SHANK1: variants seen among roughly 807,000 people sequenced by gnomAD.
SHANK1 encodes the protein SH3 and multiple ankyrin repeat domains protein 1.
In SHANK1, 35 loss-of-function variants were observed where a neutral mutation model predicts 165.6. The ratio of observed to expected loss-of-function variants is 0.21; its 90% CI spans 0.16 to 0.28. The LOEUF (loss-of-function observed/expected upper bound fraction) is 0.28. Among genes scored for constraint, SHANK1 ranks in the 10% least tolerant of loss-of-function variants. The pLI, the probability that SHANK1 is intolerant of heterozygous loss-of-function variation, is 1.00. For synonymous variants in SHANK1, 1,428 were observed against 1,384.8 expected (o/e 1.03, Z -0.69); for missense variants, 2,681 against 3,036.4 (o/e 0.88, Z 2.75).
At chr19:50,708,202 C>T (rs1245437499) in intron 8 of SHANK1, among the ~76,000 whole-genome samples, 2 of 152,080 alleles carry the variant, frequency 1.3e-5, no homozygotes, top group Middle Eastern at 3.2e-3. Context: ...GCTTCAGCCT[C>T]CCAAAGTGCT....
Position 50,702,591 on chromosome 19 carries a change from C to T in SHANK1, c.1623G>A (p.Leu541=), listed in dbSNP as rs1986956686. 2 of 1,605,538 alleles carry T rather than the reference C, an allele frequency of 1.2e-6. No individual in the cohort carries two copies. Among genetic ancestry groups the T allele is most frequent in the Admixed American group, 1.7e-5 (1 of 59,146 alleles). ...TGGSGGPGGS[L]GSRGRRRKLY... is the part of the protein sequence containing the mutation. ...GCTTCCTCCGCCTCCCGCGGCTGCC[C>T]AGGGAGCCCCCGGGGCCCCCTGAGC... is the stretch of plus-strand genomic sequence containing the variant. Residue 541 remains leucine, a synonymous_variant, in exon 12 of 24, where the codon CTG becomes CTA. Transcript: ENST00000293441. The surrounding 1 kb of genome is among the most constrained non-coding windows in gnomAD (Gnocchi z 5.3).
At position 50,668,046 on chromosome 19, in the gene SHANK1, C is replaced by A; in HGVS notation, c.3914G>T (p.Gly1305Val). 4.1e-6 allele frequency: 6 copies of A among 1,477,812 alleles called. No homozygotes were observed. The highest frequency in any genetic ancestry group is 5.4e-6 in the Non-Finnish European group (6 of 1,119,660). The allele number at this position is 1,477,812 out of a possible 1,614,324, so 91.5% of individuals were successfully genotyped here. A position where few individuals can be genotyped will look rare whatever the true frequency, so the allele number is the denominator to read the frequency against. ...AEPYLRLESA[G>V]SGAGYGGYGA... Reference sequence around the variant, plus strand: ...GTAGCCGCCGTAGCCCGCGCCGCTGCCCGCAGACTCCAGTCGGAGGTAGGG... The same window carrying A: ...GTAGCCGCCGTAGCCCGCGCCGCTGACCGCAGACTCCAGTCGGAGGTAGGG... The change falls in exon 23 of 24, where the codon GGC becomes GTC. Residue 1305 changes from glycine (G) to valine (V), a missense_variant. This residue lies in a region of SHANK1 where 1,713 missense variants were observed against 1,630.2 expected (regional missense o/e 1.05). Transcript: ENST00000293441.
Position 50,688,200 on chromosome 19 carries a change from A to C in SHANK1, c.2173-142T>G. On this transcript the variant is annotated intron_variant, in intron 17 of 23. Coordinates refer to ENST00000293441, the MANE Select transcript of SHANK1 (RefSeq NM_016148.5). The surrounding 1 kb of genome is among the most constrained non-coding windows in gnomAD (Gnocchi z 6.7). Reference sequence around the variant, plus strand: ...TGTTCCTCTCCCTCCGACCCTTCATACCACCGCCTCCCTGGGCAAGCCCCC... The same window carrying C: ...TGTTCCTCTCCCTCCGACCCTTCATCCCACCGCCTCCCTGGGCAAGCCCCC... The C allele has an allele frequency of 9.7e-7, 1 of 1,034,618 alleles. No homozygotes were observed. The highest frequency in any genetic ancestry group is 1.4e-6 in the Non-Finnish European group (1 of 714,412). 64.1% of individuals were successfully genotyped at this position (1,034,618 alleles called of 1,614,324 possible). A position where few individuals can be genotyped will look rare whatever the true frequency, so the allele number is the denominator to read the frequency against.
chr19:50,694,188 C>T (rs995283609), intron 15 of SHANK1, among the ~76,000 whole-genome samples: 13 of 151,822 alleles, frequency 8.6e-5, no homozygotes, highest in East Asian at 1.9e-4. Flanking sequence ...CTCTCTCTCA[C>T]ACACACACGC....
intron 21 of SHANK1, among the ~76,000 whole-genome samples, chr19:50,675,276 T>C (rs1985940043): frequency 1.3e-5 from 2 of 152,294 alleles, no homozygotes; most frequent in South Asian, 2.1e-4. Context: ...TAAATTTCAA[T>C]TAATTAAAAT....
chr19:50,694,661 T>G (rs1599860020), intron 15 of SHANK1, among the ~76,000 whole-genome samples: 6 of 101,862 alleles, frequency 5.9e-5, no homozygotes, highest in East Asian at 3.1e-4. Context: ...CGAGTGCGTA[T>G]TAGGGGGGAG....
At chr19:50,672,222 G>T in intron 21 of SHANK1, 108 bp from the exon 22 acceptor site, 1 of 896,144 alleles carries the variant, frequency 1.1e-6, no homozygotes, top group Non-Finnish European at 1.7e-6. Context: ...CCTTCCCTAA[G>T]CCCCTGCCGT....
At chr19:50,712,360 C>T (rs967193549) in intron 6 of SHANK1, among the ~76,000 whole-genome samples, 1 of 152,238 alleles carries the variant, frequency 6.6e-6, no homozygotes, top group Non-Finnish European at 1.5e-5. Flanking sequence ...TGCACTCTGA[C>T]ATCCCACCCA....
In SHANK1 at chr19:50,662,195, G is replaced by A; in HGVS notation, c.6256C>T (p.Pro2086Ser). The change falls in exon 24 of 24, where the codon CCG (proline) becomes TCG (serine). Residue 2086 changes from proline (P) to serine (S), a missense_variant. Coordinates refer to ENST00000293441, the MANE Select transcript of SHANK1 (RefSeq NM_016148.5). The surrounding 1 kb of genome is among the most constrained non-coding windows in gnomAD (Gnocchi z 7.7). ...LSPTRLLSLPPDKPFGAKPLG... is the reference protein window; with the variant it reads ...LSPTRLLSLPSDKPFGAKPLG... ...GGTTTAGCGCCAAACGGCTTGTCCG[G>A]GGGCAGCGAGAGCAGGCGGGTCGGT... 5 of 1,609,882 alleles carry A rather than the reference G, an allele frequency of 3.1e-6. No homozygotes were observed. The highest frequency in any genetic ancestry group is 2.5e-6 in the Non-Finnish European group (3 of 1,176,798).
chr19:50,715,963 G>A (rs1039293840), intron 3 of SHANK1, among the ~76,000 whole-genome samples: 7 of 152,174 alleles, frequency 4.6e-5, no homozygotes, highest in African/African-American at 1.7e-4. Flanking sequence ...CCTTGAAGGA[G>A]GAGGAGTCTG....
At chr19:50,663,693 G>A (rs1985360775) in intron 23 of SHANK1, among the ~76,000 whole-genome samples, 1 of 150,556 alleles carries the variant, frequency 6.6e-6, no homozygotes, top group African/African-American at 2.4e-5. Context: ...AATAATTAAT[G>A]CAATTGTTGA....
intron 4 of SHANK1, among the ~76,000 whole-genome samples, chr19:50,715,161 G>A (rs1345709950): frequency 6.6e-6 from 1 of 152,086 alleles, no homozygotes; most frequent in Non-Finnish European, 1.5e-5. Flanking sequence ...CAGGGGCTGA[G>A]GACTGGCGGG....
At chr19:50,689,682 T>TG (rs1048480132) in intron 15 of SHANK1, among the ~76,000 whole-genome samples, 6 of 152,246 alleles carry the variant, frequency 3.9e-5, no homozygotes, top group Admixed American at 3.9e-4. Context: ...TCATCTATAA[T>TG]GGGGGGCTAT....
Position 50,716,567 on chromosome 19 carries a change from G to C in SHANK1, c.256-89C>G. 1 of 1,566,456 alleles carries C rather than the reference G, an allele frequency of 6.4e-7. No homozygotes were observed. Among genetic ancestry groups the C allele is most frequent in the Non-Finnish European group, 8.7e-7 (1 of 1,150,028 alleles). Reference sequence around the variant, plus strand: ...GGGAAGTGAGCCAGGAGCTGAGTGTGGGGGTGATTCCTGGGAGGATACCCA... The same window carrying C: ...GGGAAGTGAGCCAGGAGCTGAGTGTCGGGGTGATTCCTGGGAGGATACCCA... On this transcript the variant is annotated intron_variant, in intron 2 of 23. Coordinates refer to ENST00000293441, the MANE Select transcript of SHANK1 (RefSeq NM_016148.5). This position sits in a 1 kb window ranked among gnomAD's most constrained non-coding sequence, Gnocchi z 8.4.
In SHANK1 at chr19:50,714,171, C is replaced by T. The variant is rs2089042139; in HGVS notation, c.640+11G>A. On this transcript the variant is annotated intron_variant, in intron 5 of 23. Coordinates refer to ENST00000293441, the MANE Select transcript of SHANK1 (RefSeq NM_016148.5). ...GGCCCTGAGGTCCTCCTGATGCGCACCCCTCCCTACCTCCCGAATCCGAGT... is the reference window on the plus strand; with the variant it reads ...GGCCCTGAGGTCCTCCTGATGCGCATCCCTCCCTACCTCCCGAATCCGAGT... The T allele has an allele frequency of 6.2e-7, 1 of 1,611,830 alleles. No homozygotes were observed. Among genetic ancestry groups the T allele is most frequent in the Non-Finnish European group, 8.5e-7 (1 of 1,178,058 alleles).
chr19:50,666,618 G>A lies in SHANK1; in HGVS notation c.5342C>T (p.Thr1781Ile), dbSNP rs1231891454. 3.7e-6 allele frequency: 6 copies of A among 1,600,594 alleles called. No homozygotes were observed. Among genetic ancestry groups the A allele is most frequent in the Non-Finnish European group, 4.3e-6 (5 of 1,176,204 alleles). The change falls in exon 23 of 24, where the codon ACC (threonine) becomes ATC (isoleucine). Residue 1781 changes from threonine to isoleucine, a missense_variant. Physicochemically the swap from Thr to Ile is moderately conservative, Grantham distance 89. Transcript: ENST00000293441. ...CACCGAGACGGTGGGGCTGGTGGGG[G>A]TAACAGGGTCTCGGAGTCCCCCGCT... ...GPSGGLRDPV[T>I]PTSPTVSVTG...
chr19:50,681,234 G>A (rs1238977289), intron 21 of SHANK1, among the ~76,000 whole-genome samples: 1 of 152,116 alleles, frequency 6.6e-6, no homozygotes, highest in Non-Finnish European at 1.5e-5. Flanking sequence ...GGAAGGAGCA[G>A]AGAAGGCGGC....
At position 50,686,943 on chromosome 19, in the gene SHANK1, G is replaced by T; in HGVS notation, c.2390-131C>A. The T allele has an allele frequency of 7.4e-7, 1 of 1,354,596 alleles. No individual in the cohort carries two copies. The highest frequency in any genetic ancestry group is 9.9e-7 in the Non-Finnish European group (1 of 1,015,048). 83.9% of individuals were successfully genotyped at this position (1,354,596 alleles called of 1,614,324 possible). On this transcript the variant is annotated intron_variant, in intron 19 of 23. Transcript: ENST00000293441. This position sits in a 1 kb window ranked among gnomAD's most constrained non-coding sequence, Gnocchi z 5.7. Reference sequence around the variant, plus strand: ...GGCGCGAGAGGGGCAGTGAGGGGCCGGGGTCAGGGAGGGGCGAGTCCGCCG... The same window carrying T: ...GGCGCGAGAGGGGCAGTGAGGGGCCTGGGTCAGGGAGGGGCGAGTCCGCCG...
At position 50,716,795 on chromosome 19, in the gene SHANK1, C is replaced by T. The variant is rs1337761678; in HGVS notation, c.125G>A (p.Gly42Asp). 1 of 1,594,584 alleles carries T rather than the reference C, an allele frequency of 6.3e-7. No individual in the cohort carries two copies. The highest frequency in any genetic ancestry group is 1.7e-4 in the Middle Eastern group (1 of 5,900). ...GCTACCAGGTGCCCCACTGCCCTGG[C>T]CCCGGGTCCCCCGGGGGCCTCGACC... ...GPGRGPRGTR[G>D]QGSGAPGSLA... The change falls in exon 2 of 24, where the codon GGC becomes GAC. Residue 42 changes from glycine (G) to aspartate (D), a missense_variant. Around this residue, in one of 10 missense-constraint regions of SHANK1, gnomAD observed 118 missense variants for 106.9 expected, o/e 1.10. Coordinates refer to ENST00000293441, the MANE Select transcript of SHANK1 (RefSeq NM_016148.5). This position sits in a 1 kb window ranked among gnomAD's most constrained non-coding sequence, Gnocchi z 8.4.
Sources: allele counts gnomAD v4.1 joint callset (sites outside exome capture counted in the v4.1 genomes callset), GRCh38; gene constraint gnomAD v4.1.1; regional missense constraint gnomAD v4.1.1; non-coding constraint Gnocchi (gnomAD v3.1); transcripts MANE v1.5; gene names NCBI Gene and HGNC (gene_info 2026-07-23, HGNC 2026-07-21).